PRKCI: variants seen among roughly 807,000 people sequenced by gnomAD.
The protein encoded by PRKCI is protein kinase C iota type.
PRKCI carries 43 observed loss-of-function variants against 84.0 expected under a neutral mutation model. The observed-to-expected ratio is 0.51, with a 90% CI of 0.40 to 0.66. The LOEUF is 0.66. Among genes scored for constraint, PRKCI ranks in the 30% least tolerant of loss-of-function variants. PRKCI has a pLI of 0.00. For synonymous variants in PRKCI, 216 were observed against 234.4 expected, an observed-to-expected ratio of 0.92 and a Z score of 0.72; for missense variants, 459 against 745.6, an observed-to-expected ratio of 0.62 and a Z score of 4.48.
At chr3:170,240,699 A>G (rs909640110) in intron 2 of PRKCI, among the ~76,000 whole-genome samples, 5 of 152,226 alleles carry the variant, frequency 3.3e-5, no homozygotes, top group Non-Finnish European at 5.9e-5. Context: ...CAAAGACAGG[A>G]CAGTCACTTG....
At position 170,250,438 on chromosome 3, in the gene PRKCI, C is replaced by G. The variant is rs921734335; in HGVS notation, c.224-9531C>G. ...TAGAACATTTTCATTACCAACCCCC[C>G]CCCCCCAAAAAAAAATCTCGTGTCT... On this transcript the variant is annotated intron_variant, in intron 2 of 17. Coordinates refer to ENST00000295797, the MANE Select transcript of PRKCI (RefSeq NM_002740.6). 1.2e-3 allele frequency among the ~76,000 whole-genome samples: 123 copies of G among 102,630 alleles called. 2 individuals are homozygous for G. Among genetic ancestry groups the G allele is most frequent in the African/African-American group, 4.2e-3 (111 of 26,732 alleles). 67.3% of individuals were successfully genotyped at this position (102,630 alleles called of 152,430 possible).
At chr3:170,258,756 A>T (rs1042104086) in intron 2 of PRKCI, among the ~76,000 whole-genome samples, 4 of 152,178 alleles carry the variant, frequency 2.6e-5, no homozygotes, top group African/African-American at 9.6e-5. Flanking sequence ...ATTTCACAGC[A>T]GCTCAAGTGC....
chr3:170,301,949 TACAA>T (rs1421573033), intron 17 of PRKCI, among the ~76,000 whole-genome samples: 6 of 152,334 alleles, frequency 3.9e-5, no homozygotes, highest in South Asian at 2.1e-4. Flanking sequence ...CTCACCATAA[TACAA>T]ACAGTGTTCT....
chr3:170,261,928 T>G (rs1012403763), intron 3 of PRKCI, among the ~76,000 whole-genome samples: 1 of 152,218 alleles, frequency 6.6e-6, no homozygotes, highest in African/African-American at 2.4e-5. Flanking sequence ...CATAAAGAAG[T>G]GATTGATGAA....
chr3:170,287,166 C>T (rs1734415018), intron 12 of PRKCI, among the ~76,000 whole-genome samples: 1 of 151,980 alleles, frequency 6.6e-6, no homozygotes, highest in South Asian at 2.1e-4. Flanking sequence ...AAAACTCCAT[C>T]TCTACAAAAA....
At chr3:170,276,542 A>C (rs1734120518) in intron 8 of PRKCI, among the ~76,000 whole-genome samples, 1 of 151,334 alleles carries the variant, frequency 6.6e-6, no homozygotes, top group African/African-American at 2.4e-5. Flanking sequence ...CTACAGCCTC[A>C]ACTTCTTGAG....
intron 2 of PRKCI, among the ~76,000 whole-genome samples, chr3:170,237,695 A>G (rs1449632347): frequency 6.6e-6 from 1 of 152,214 alleles, no homozygotes; most frequent in Non-Finnish European, 1.5e-5. Flanking sequence ...CTGGAAAGTC[A>G]TTATTGAAGC....
At chr3:170,300,599 A>C (rs1357308728) in intron 17 of PRKCI, among the ~76,000 whole-genome samples, 5 of 151,732 alleles carry the variant, frequency 3.3e-5, no homozygotes, top group African/African-American at 4.8e-5. Flanking sequence ...AAAAAAAGTT[A>C]ATAGATGTTC....
At chr3:170,295,787 G>A (rs910534598) in intron 14 of PRKCI, 124 bp from the exon 15 acceptor site, 38 of 444,246 alleles carry the variant, frequency 8.6e-5, no homozygotes, top group African/African-American at 7.2e-4. Context: ...CAAAGCTGCA[G>A]TGAGCTGTGA....
At chr3:170,264,769 C>G (rs939972568) in intron 4 of PRKCI, among the ~76,000 whole-genome samples, 15 of 152,162 alleles carry the variant, frequency 9.9e-5, no homozygotes, top group African/African-American at 3.6e-4. Flanking sequence ...TGCCAAATTT[C>G]CATCCCCAAG....
intron 12 of PRKCI, among the ~76,000 whole-genome samples, chr3:170,285,749 G>GTT (rs528177041): frequency 4.2e-5 from 6 of 142,260 alleles, no homozygotes; most frequent in African/African-American, 5.1e-5. Flanking sequence ...AATTATTGTT[G>GTT]TTTTTTTTTT....
chr3:170,279,861 G>A (rs998712809), intron 8 of PRKCI, among the ~76,000 whole-genome samples: 5 of 152,114 alleles, frequency 3.3e-5, no homozygotes, highest in South Asian at 2.1e-4. Flanking sequence ...CACACTTGAC[G>A]TTCCCTGTCA....
intron 2 of PRKCI, among the ~76,000 whole-genome samples, chr3:170,248,256 ATAAT>A (rs1349445895): frequency 2.0e-5 from 3 of 152,210 alleles, no homozygotes; most frequent in Admixed American, 2.0e-4. Context: ...TCTCATATAA[ATAAT>A]TGGATTGTGA....
At chr3:170,267,364 A>G (rs1019400655) in intron 4 of PRKCI, among the ~76,000 whole-genome samples, 2 of 152,072 alleles carry the variant, frequency 1.3e-5, no homozygotes, top group Admixed American at 6.6e-5. Context: ...AAGTTGGAGG[A>G]AAATTTTTAA....
chr3:170,235,339 A>G lies in PRKCI; in HGVS notation c.211A>G (p.Ile71Val), dbSNP rs776632465. 1 of 1,614,028 alleles carries G rather than the reference A, an allele frequency of 6.2e-7. No individual in the cohort carries two copies. The highest frequency in any genetic ancestry group is 1.7e-5 in the Admixed American group (1 of 59,992). The change falls in exon 2 of 18, where the codon ATA (isoleucine) becomes GTA (valine). Residue 71 changes from isoleucine (I) to valine (V), a missense_variant. Ile to Val is a conservative substitution (Grantham distance 29). Around this residue, in one of 2 missense-constraint regions of PRKCI, gnomAD observed 250 missense variants for 319.7 expected, o/e 0.78. Coordinates refer to ENST00000295797, the MANE Select transcript of PRKCI (RefSeq NM_002740.6). Reference protein sequence around the residue: ...DNEQLFTMKWIDEEGDPCTVS... With the variant: ...DNEQLFTMKWVDEEGDPCTVS... The stretch of plus-strand genomic sequence containing the variant: ...CGAACAGCTCTTCACCATGAAATGG[A>G]TAGATGAGGAAGGTGAGTGGTAAAG...
intron 12 of PRKCI, among the ~76,000 whole-genome samples, chr3:170,287,009 G>A (rs1734411265): frequency 6.6e-6 from 1 of 151,800 alleles, no homozygotes; most frequent in Non-Finnish European, 1.5e-5. Flanking sequence ...AGTTAACAAG[G>A]AAAGCAAGCC....
At position 170,291,865 on chromosome 3, in the gene PRKCI, G is replaced by A. The variant is rs767492700; in HGVS notation, c.1215G>A (p.Arg405=). Residue 405 remains arginine, a synonymous_variant, in exon 13 of 18, where the codon CGG becomes CGA. Transcript: ENST00000295797. ...TDYGMCKEGL[R]PGDTTSTFCG... is the part of the protein sequence containing the mutation. The stretch of plus-strand genomic sequence containing the variant: ...CTTTTTAATAAAAGGAAGGATTACG[G>A]CCAGGAGATACAACCAGCACTTTCT... 1.2e-6 allele frequency: 2 copies of A among 1,604,210 alleles called. No homozygotes were observed. Among genetic ancestry groups the A allele is most frequent in the South Asian group, 2.2e-5 (2 of 90,858 alleles).
chr3:170,247,635 C>T (rs767987552), intron 2 of PRKCI, among the ~76,000 whole-genome samples: 4 of 141,140 alleles, frequency 2.8e-5, no homozygotes, highest in Non-Finnish European at 6.0e-5. Context: ...GAGGCTGAGG[C>T]AGAAGAATCA....
At chr3:170,295,675 C>CAA (rs542714146) in intron 14 of PRKCI, among the ~76,000 whole-genome samples, 21 of 84,398 alleles carry the variant, frequency 2.5e-4, no homozygotes, top group African/African-American at 3.6e-4. Context: ...GACTCCATCT[C>CAA]AAAAAAAAAA....
Sources: gnomAD v4.1 joint callset for allele counts (sites outside exome capture counted in the v4.1 genomes callset) on GRCh38, gnomAD v4.1.1 for gene constraint, gnomAD v4.1.1 regional missense constraint, MANE v1.5 for transcripts, NCBI Gene and HGNC (gene_info 2026-07-23, HGNC 2026-07-21) for gene names.